Variants in C12orf56 observed in about 807,000 individuals in gnomAD.
The protein encoded by C12orf56 is uncharacterized protein C12orf56.
A neutral mutation model predicts 69.9 loss-of-function variants in C12orf56; 71 were observed. The observed-to-expected ratio is 1.02, with a 90% CI of 0.84 to 1.24. The LOEUF (loss-of-function observed/expected upper bound fraction) is 1.24. C12orf56 is among the 50% of genes most tolerant of loss of function. C12orf56 has a pLI of 0.00. For missense variants in C12orf56, 732 were observed against 738.5 expected, an observed-to-expected ratio of 0.99 and a Z score of 0.10; for synonymous variants, 276 against 274.1, an observed-to-expected ratio of 1.01 and a Z score of -0.07.
rs535268965 is a variant in C12orf56, at chr12:64,367,646, C to T, written c.253-14590G>A. ...TCAGCCTCCCGAGTAGCTGAAATTA[C>T]AGGCACCCACCACCACACCCAGCTA... On this transcript the variant is annotated intron_variant, in intron 1 of 12. Transcript: ENST00000543942. Among the ~76,000 whole-genome samples, 14 of 151,034 alleles carry T rather than the reference C, an allele frequency of 9.3e-5. 1 individual carries two copies. In the East Asian group the frequency reaches 1.6e-3, roughly 17 times the overall value.
intron 1 of C12orf56, among the ~76,000 whole-genome samples, chr12:64,357,833 G>A (rs1406966855): frequency 6.6e-6 from 1 of 152,048 alleles, no homozygotes; most frequent in Non-Finnish European, 1.5e-5. Context: ...CCTGGAGACA[G>A]AGGCTGCAGT....
intron 1 of C12orf56, chr12:64,355,968 G>A (rs1298461997): frequency 1.3e-5 from 2 of 152,160 alleles, no homozygotes; most frequent in Non-Finnish European, 2.9e-5. Flanking sequence ...TTTGAGACCA[G>A]CGTGGCCAAC....
At chr12:64,367,322 T>C (rs1446116136) in intron 1 of C12orf56, among the ~76,000 whole-genome samples, 2 of 137,194 alleles carry the variant, frequency 1.5e-5, no homozygotes, top group African/African-American at 5.5e-5. Context: ...ATATATAGCT[T>C]ATATAATATA....
rs770601865 is a variant in C12orf56, at chr12:64,318,805, T to C, written c.664A>G (p.Thr222Ala). 1 of 1,537,106 alleles carries C rather than the reference T, an allele frequency of 6.5e-7. No individual in the cohort carries two copies. The highest frequency in any genetic ancestry group is 8.7e-7 in the Non-Finnish European group (1 of 1,146,910). Residue 222 changes from threonine (T) to alanine (A), a missense_variant, in exon 4 of 13, where the codon ACA (threonine) becomes GCA (alanine). Coordinates refer to ENST00000543942, the MANE Select transcript of C12orf56 (RefSeq NM_001170633.2). ...AGTCCCTGGGGTTCTTTTGTGTTTG[T>C]TGTGCAAGATGGCTCGCTGACAGCC... ...GKAVSEPSCT[T>A]NTKEPQGLPD... is the part of the protein sequence containing the mutation.
intron 5 of C12orf56, among the ~76,000 whole-genome samples, chr12:64,304,777 G>GTGGGGACTGAGCTGGCTCCACTC (rs2038490182): frequency 6.6e-6 from 1 of 152,190 alleles, no homozygotes; most frequent in Admixed American, 6.5e-5. Context: ...TGGCTCCACT[G>GTGGGGACTGAGCTGGCTCCACTC]TGGGGACCGA....
intron 3 of C12orf56, 82 bp downstream of exon 3, chr12:64,330,878 A>G: frequency 2.5e-6 from 3 of 1,185,474 alleles, no homozygotes; most frequent in Non-Finnish European, 1.2e-6. Flanking sequence ...ATTAGTAGAG[A>G]AAAAAAATTA....
chr12:64,360,636 G>A (rs189816776), intron 1 of C12orf56, among the ~76,000 whole-genome samples: 7 of 152,126 alleles, frequency 4.6e-5, no homozygotes, highest in Admixed American at 3.9e-4. Flanking sequence ...ATTTTGCATG[G>A]CTATTTAGCT....
Position 64,356,113 on chromosome 12 carries a change from G to A in C12orf56, c.253-3057C>T, listed in dbSNP as rs138817770. On this transcript the variant is annotated intron_variant, in intron 1 of 12. Transcript: ENST00000543942. ...CGGGAGGTGGAGGTTGCAGTGAGCC[G>A]AGATCGTGCCATTGCACTTCAGCCT... Among the ~76,000 whole-genome samples, 535 of 139,402 alleles carry A rather than the reference G, an allele frequency of 3.8e-3. 4 individuals are homozygous for A. Among genetic ancestry groups the A allele is most frequent in the Non-Finnish European group, 3.9e-3 (263 of 66,758 alleles). The allele number at this position is 139,402 out of a possible 152,430, so 91.5% of individuals were successfully genotyped here.
intron 1 of C12orf56, among the ~76,000 whole-genome samples, chr12:64,389,732 G>A (rs1306613822): frequency 1.3e-5 from 2 of 152,136 alleles, no homozygotes; most frequent in African/African-American, 4.8e-5. Flanking sequence ...CCTGACCCCC[G>A]GTGATCTATC....
chr12:64,371,906 T>TTC (rs1565779930), intron 1 of C12orf56, among the ~76,000 whole-genome samples: 6 of 147,718 alleles, frequency 4.1e-5, no homozygotes, highest in Admixed American at 6.7e-5. Flanking sequence ...ATGATTTCTT[T>TTC]TTTTTTTTTT....
intron 1 of C12orf56, among the ~76,000 whole-genome samples, chr12:64,380,412 C>T (rs898437510): frequency 6.6e-6 from 1 of 152,076 alleles, no homozygotes; most frequent in Non-Finnish European, 1.5e-5. Flanking sequence ...ATTCATTCTT[C>T]TAATCAGCAA....
intron 4 of C12orf56, among the ~76,000 whole-genome samples, chr12:64,317,013 C>T (rs1308417025): frequency 6.6e-6 from 1 of 152,120 alleles, no homozygotes; most frequent in African/African-American, 2.4e-5. Flanking sequence ...GAAGTATTCA[C>T]ATAGATTTTT....
At chr12:64,295,586 A>AC (rs2038354697) in intron 6 of C12orf56, among the ~76,000 whole-genome samples, 1 of 152,026 alleles carries the variant, frequency 6.6e-6, no homozygotes, top group Non-Finnish European at 1.5e-5. Context: ...CTACTCAGCT[A>AC]TTTGAGCCCA....
chr12:64,363,885 A>C (rs2039430069), intron 1 of C12orf56, among the ~76,000 whole-genome samples: 1 of 152,154 alleles, frequency 6.6e-6, no homozygotes, highest in Admixed American at 6.5e-5. Flanking sequence ...AAGCTGTAAC[A>C]TTTCATCTAT....
intron 5 of C12orf56, 128 bp downstream of exon 5, chr12:64,312,551 G>A (rs2038633782): frequency 1.6e-6 from 1 of 640,532 alleles, no homozygotes; most frequent in Non-Finnish European, 2.6e-6. Context: ...AGAGGTTGCA[G>A]TGAGCCAAGA....
At chr12:64,315,708 G>C (rs1340302211) in intron 4 of C12orf56, among the ~76,000 whole-genome samples, 1 of 152,170 alleles carries the variant, frequency 6.6e-6, no homozygotes, top group Non-Finnish European at 1.5e-5. Context: ...GAGGCAGGCA[G>C]ATCACCTGAA....
intron 3 of C12orf56, among the ~76,000 whole-genome samples, chr12:64,325,998 T>C (rs560152380): frequency 1.8e-4 from 28 of 152,308 alleles, no homozygotes; most frequent in Non-Finnish European, 2.9e-4. Flanking sequence ...TACTAGTTTT[T>C]TTCTGCCTCT....
rs926139204 is a variant in C12orf56, at chr12:64,282,543, G to GC, written c.1310+2120_1310+2121insG. On this transcript the variant is annotated intron_variant, in intron 8 of 12. Coordinates refer to ENST00000543942, the MANE Select transcript of C12orf56 (RefSeq NM_001170633.2). The stretch of plus-strand genomic sequence containing the variant: ...TAATCCTAGCACTTTGGGGGTAAGA[G>GC]GGGGCAGATCACTTGAGCCCAGGAG... Among the ~76,000 whole-genome samples the GC allele has an allele frequency of 3.3e-3, 5 of 1,520 alleles. No homozygotes were observed. In the Non-Finnish European group the frequency reaches 0.061, roughly 19 times the overall value. The allele number at this position is 1,520 out of a possible 152,430, so 1.0% of individuals were successfully genotyped here. A position where few individuals can be genotyped will look rare whatever the true frequency, so the allele number is the denominator to read the frequency against.
rs574319988 is a variant in C12orf56, at chr12:64,320,032, C to T, written c.489-1052G>A. Among the ~76,000 whole-genome samples, 194 of 152,350 alleles carry T rather than the reference C, an allele frequency of 1.3e-3. 1 individual carries two copies. Among genetic ancestry groups the T allele is most frequent in the African/African-American group, 4.4e-3 (182 of 41,576 alleles). ...ATCCCTCCGGATCCGGCAGGGTGTC[C>T]GCTGTGCTCCTGATCCAGTGAGACG... On this transcript the variant is annotated intron_variant, in intron 3 of 12. Transcript: ENST00000543942.
Sources: allele counts gnomAD v4.1 joint callset (sites outside exome capture counted in the v4.1 genomes callset), GRCh38; gene constraint gnomAD v4.1.1; transcripts MANE v1.5; gene names NCBI Gene and HGNC (gene_info 2026-07-23, HGNC 2026-07-21).